Variants in CAMTA1 observed in about 807,000 individuals in gnomAD.
CAMTA1 encodes the protein calmodulin binding transcription activator 1.
A neutral mutation model predicts 170.9 loss-of-function variants in CAMTA1; 27 were observed. The observed-to-expected ratio is 0.16, with a 90% CI of 0.12 to 0.22. The LOEUF is 0.22. CAMTA1 is among the 10% of genes least tolerant of loss of function. The pLI, the probability that CAMTA1 is intolerant of heterozygous loss-of-function variation, is 1.00. For synonymous variants in CAMTA1, 833 were observed against 891.5 expected, an observed-to-expected ratio of 0.93 and a Z score of 1.17; for missense variants, 1,619 against 2,217.2, an observed-to-expected ratio of 0.73 and a Z score of 5.42.
chr1:7,215,654 A>C (rs950358442), intron 4 of CAMTA1, among the ~76,000 whole-genome samples: 2 of 152,238 alleles, frequency 1.3e-5, no homozygotes, highest in East Asian at 3.8e-4. Flanking sequence ...TTGGCCCCCC[A>C]AAGTGCTGGG....
intron 3 of CAMTA1, among the ~76,000 whole-genome samples, chr1:6,997,660 C>CTTTTTTTTTT (rs111887834): frequency 2.4e-5 from 3 of 127,638 alleles, no homozygotes; most frequent in African/African-American, 6.0e-5. Context: ...TCTTTTCTTT[C>CTTTTTTTTTT]TTTTTTTTTT....
chr1:7,252,845 G>T (rs1314317999), intron 5 of CAMTA1, among the ~76,000 whole-genome samples: 2 of 152,162 alleles, frequency 1.3e-5, no homozygotes, highest in African/African-American at 4.8e-5. Context: ...CTTCCCTCAG[G>T]CCAGGAAAAC....
chr1:7,141,531 G>A (rs1359484934), intron 4 of CAMTA1, among the ~76,000 whole-genome samples: 2 of 152,130 alleles, frequency 1.3e-5, no homozygotes, highest in Admixed American at 6.5e-5. Flanking sequence ...TTGGCAGAGG[G>A]GAAAAGACAT....
chr1:6,976,966 C>T (rs1227220957), intron 3 of CAMTA1, among the ~76,000 whole-genome samples: 3 of 152,178 alleles, frequency 2.0e-5, no homozygotes, highest in Non-Finnish European at 4.4e-5. Flanking sequence ...TTGCCTGCTG[C>T]CATGTAAGAC....
Position 7,562,375 on chromosome 1 carries a change from T to C in CAMTA1, c.511-78025T>C, listed in dbSNP as rs2094969163. 6.6e-6 allele frequency among the ~76,000 whole-genome samples: 1 copy of C among 152,174 alleles called. No homozygotes were observed. Among genetic ancestry groups the C allele is most frequent in the African/African-American group, 2.4e-5 (1 of 41,458 alleles). On this transcript the variant is annotated intron_variant, in intron 6 of 22. Transcript: ENST00000303635. This position sits in a 1 kb window ranked among gnomAD's most constrained non-coding sequence, Gnocchi z 4.8. ...GTGTAACTCAGTTGGGTATCAGGGC[T>C]GGTGGCAGCAGCAGGGCAGGCCGCG...
rs1194902794 is a variant in CAMTA1 at position 7,092,693 on chromosome 1, G to A, written c.302+1322G>A. Among the ~76,000 whole-genome samples, 1 of 152,258 alleles carries A rather than the reference G, an allele frequency of 6.6e-6. No individual in the cohort carries two copies. The highest frequency in any genetic ancestry group is 1.5e-5 in the Non-Finnish European group (1 of 68,048). Reference sequence around the variant, plus strand: ...GATAATTCTGTGTAAGAAACGACCTGCAAGCTTAGTGACTTTAAACAACAA... The same window carrying A: ...GATAATTCTGTGTAAGAAACGACCTACAAGCTTAGTGACTTTAAACAACAA... On this transcript the variant is annotated intron_variant, in intron 4 of 22. Transcript: ENST00000303635. This position sits in a 1 kb window ranked among gnomAD's most constrained non-coding sequence, Gnocchi z 5.0.
chr1:6,850,678 C>G (rs531372421), intron 3 of CAMTA1, among the ~76,000 whole-genome samples: 1 of 152,202 alleles, frequency 6.6e-6, no homozygotes, highest in South Asian at 2.1e-4. Context: ...GTAGGGAAGC[C>G]CAAGATGTGA....
intron 7 of CAMTA1, among the ~76,000 whole-genome samples, chr1:7,645,945 G>A (rs2095800249): frequency 2.0e-5 from 3 of 152,278 alleles, no homozygotes; most frequent in South Asian, 4.1e-4. Flanking sequence ...GGCAGGTGGT[G>A]GAGGCCATAG....
At position 7,663,804 on chromosome 1, in the gene CAMTA1, C is replaced by A; in HGVS notation, c.1257C>A (p.Asn419Lys). The A allele has an allele frequency of 6.2e-7, 1 of 1,614,188 alleles. No homozygotes were observed. Among genetic ancestry groups the A allele is most frequent in the Non-Finnish European group, 8.5e-7 (1 of 1,180,038 alleles). The change falls in exon 9 of 23, where the codon AAC becomes AAA. Residue 419 changes from asparagine (N) to lysine (K), a missense_variant. By Grantham distance (94) the Asn-to-Lys change is moderately conservative. Around this residue, in one of 8 missense-constraint regions of CAMTA1, gnomAD observed 731 missense variants for 907.6 expected, o/e 0.81. Coordinates refer to ENST00000303635, the MANE Select transcript of CAMTA1 (RefSeq NM_015215.4). ...CCATGTCCCCCACCGCTGGCCCCAA[C>A]CACCACCTCCTCTCACCTGACGCCT... The part of the protein sequence containing the change: ...VYTMSPTAGP[N>K]HHLLSPDASQ...
intron 5 of CAMTA1, among the ~76,000 whole-genome samples, chr1:7,453,261 T>C (rs1392996368): frequency 6.6e-6 from 1 of 152,216 alleles, no homozygotes; most frequent in Admixed American, 6.5e-5. Context: ...AGAAAGCACA[T>C]GGCCCAGAAT....
At position 7,661,710 on chromosome 1, in the gene CAMTA1, G is replaced by A. The variant is rs771326965; in HGVS notation, c.665-16G>A. 1 of 1,613,744 alleles carries A rather than the reference G, an allele frequency of 6.2e-7. No individual in the cohort carries two copies. The highest frequency in any genetic ancestry group is 1.7e-5 in the Admixed American group (1 of 60,014). On this transcript the variant is annotated splice_polypyrimidine_tract_variant and intron_variant, in intron 7 of 22. Coordinates refer to ENST00000303635, the MANE Select transcript of CAMTA1 (RefSeq NM_015215.4). ...ACCCACGGGCTCTGACAGCCCCCCT[G>A]CCTCTCTCTTCACAGTCCATGGCAT...
intron 3 of CAMTA1, among the ~76,000 whole-genome samples, chr1:7,075,077 T>C (rs1639118542): frequency 6.6e-6 from 1 of 152,212 alleles, no homozygotes; most frequent in Non-Finnish European, 1.5e-5. Flanking sequence ...AGCTCTCCCT[T>C]CACAATCTCT....
At chr1:7,122,501 G>T (rs1303665045) in intron 4 of CAMTA1, among the ~76,000 whole-genome samples, 2 of 152,116 alleles carry the variant, frequency 1.3e-5, no homozygotes, top group East Asian at 3.9e-4. Context: ...GAGGACACGT[G>T]CCCCTGAGGG....
chr1:7,467,675 C>T (rs2093243099), intron 5 of CAMTA1, among the ~76,000 whole-genome samples, 155 bp from the exon 6 acceptor site: 1 of 152,148 alleles, frequency 6.6e-6, no homozygotes, highest in African/African-American at 2.4e-5. Flanking sequence ...GAGCCTTAGT[C>T]TTGGAGCTGG....
At position 7,050,969 on chromosome 1, in the gene CAMTA1, C is replaced by T. The variant is rs1321621329; in HGVS notation, c.235-40335C>T. ...GTGTTCCCAGGCACAGGGAGAATGA[C>T]TGTGCTGCCTCTTTCCGGGGTGTAA... On this transcript the variant is annotated intron_variant, in intron 3 of 22. Transcript: ENST00000303635. This position sits in a 1 kb window ranked among gnomAD's most constrained non-coding sequence, Gnocchi z 4.8. Among the ~76,000 whole-genome samples the T allele has an allele frequency of 6.6e-6, 1 of 152,202 alleles. No individual in the cohort carries two copies. The highest frequency in any genetic ancestry group is 1.5e-5 in the Non-Finnish European group (1 of 68,034).
At chr1:7,587,212 A>G (rs1160498721) in intron 6 of CAMTA1, among the ~76,000 whole-genome samples, 2 of 152,072 alleles carry the variant, frequency 1.3e-5, no homozygotes, top group Non-Finnish European at 2.9e-5. Flanking sequence ...CGAAGAATTC[A>G]TAGCCTATTG....
intron 6 of CAMTA1, among the ~76,000 whole-genome samples, chr1:7,475,346 G>A (rs925668483): frequency 2.6e-5 from 4 of 152,262 alleles, no homozygotes; most frequent in Admixed American, 2.6e-4. Flanking sequence ...TGGCGGGGGG[G>A]ATTAGAGCAA....
At chr1:7,062,839 T>G (rs2101776381) in intron 3 of CAMTA1, among the ~76,000 whole-genome samples, 1 of 152,326 alleles carries the variant, frequency 6.6e-6, no homozygotes, top group South Asian at 2.1e-4. Flanking sequence ...ATTCACTGCC[T>G]GCAGCTGCTT....
In CAMTA1 at chr1:7,665,705, A is replaced by G. The variant is rs1357114474; in HGVS notation, c.2652+506A>G. On this transcript the variant is annotated intron_variant, in intron 9 of 22. Coordinates refer to ENST00000303635, the MANE Select transcript of CAMTA1 (RefSeq NM_015215.4). The surrounding 1 kb of genome is among the most constrained non-coding windows in gnomAD (Gnocchi z 4.3). Reference sequence around the variant, plus strand: ...ACTCCAGTCCGGATGACAGAGTGAAACCCTGTCTCAAAAAAAAAGAGAGAA... The same window carrying G: ...ACTCCAGTCCGGATGACAGAGTGAAGCCCTGTCTCAAAAAAAAAGAGAGAA... Among the ~76,000 whole-genome samples, 1 of 151,758 alleles carries G rather than the reference A, an allele frequency of 6.6e-6. No homozygotes were observed. Among genetic ancestry groups the G allele is most frequent in the Non-Finnish European group, 1.5e-5 (1 of 67,950 alleles).
Sources: gnomAD v4.1 joint callset for allele counts (sites outside exome capture counted in the v4.1 genomes callset) on GRCh38, gnomAD v4.1.1 for gene constraint, gnomAD v4.1.1 regional missense constraint, Gnocchi (gnomAD v3.1) non-coding constraint, MANE v1.5 for transcripts, NCBI Gene and HGNC (gene_info 2026-07-23, HGNC 2026-07-21) for gene names.